KNTC1: variants seen among roughly 807,000 people sequenced by gnomAD.
KNTC1 encodes kinetochore associated 1.
Under a neutral mutation model 314.4 loss-of-function variants are expected in KNTC1, and 253 were observed. The observed-to-expected ratio is 0.80, with a 90% CI of 0.73 to 0.89. The LOEUF (loss-of-function observed/expected upper bound fraction) is 0.89. Ranked by LOEUF, KNTC1 falls within the 40% of genes least tolerant of loss-of-function variation. The pLI is 0.00. For missense variants in KNTC1, 2,475 were observed against 2,572.9 expected (o/e 0.96, Z 0.82); for synonymous variants, 901 against 901.4 (o/e 1.00, Z 0.01).
chr12:122,585,832 T>G (rs1869200529), intron 37 of KNTC1, 58 bp downstream of exon 37: 2 of 1,550,656 alleles, frequency 1.3e-6, no homozygotes, highest in Non-Finnish European at 8.9e-7. Flanking sequence ...AAATTTAAAC[T>G]GTAGAGGTTT....
chr12:122,534,860 C>A, intron 3 of KNTC1, 76 bp downstream of exon 3: 1 of 1,309,056 alleles, frequency 7.6e-7, no homozygotes, highest in Non-Finnish European at 1.1e-6. Flanking sequence ...GCTGGATTGC[C>A]TCCTCTTTAC....
intron 12 of KNTC1, among the ~76,000 whole-genome samples, chr12:122,548,975 GTAAAA>G (rs1962991595): frequency 6.6e-6 from 1 of 152,080 alleles, no homozygotes; most frequent in South Asian, 2.1e-4. Flanking sequence ...CTCAAAAAAA[GTAAAA>G]TAAAATAAGT....
chr12:122,551,556 TTAGTGAATAACTTAAATTCCCTGAA>T, intron 15 of KNTC1, 33 bp downstream of exon 15: 3 of 1,603,926 alleles, frequency 1.9e-6, no homozygotes, highest in Non-Finnish European at 2.6e-6. Context: ...GCTTTATCCT[TTAGTGAATAACTTAAATTCCCTGAA>T]TAATAAGCAT....
At chr12:122,572,433 C>G (rs970801560) in intron 24 of KNTC1, among the ~76,000 whole-genome samples, 5 of 152,068 alleles carry the variant, frequency 3.3e-5, no homozygotes, top group Non-Finnish European at 5.9e-5. Context: ...TAAGTCTTGA[C>G]AGTACATTAA....
Position 122,597,944 on chromosome 12 carries a change from C to T in KNTC1, c.4563+6C>T. 1 of 1,610,702 alleles carries T rather than the reference C, an allele frequency of 6.2e-7. No homozygotes were observed. The highest frequency in any genetic ancestry group is 8.5e-7 in the Non-Finnish European group (1 of 1,176,924). ...TTAGTGGAATACTACATAAGGTAGA[C>T]ACACAGTGAAATGAATCGGGTCATC... On this transcript the variant is annotated splice_donor_region_variant and intron_variant, in intron 44 of 63. Transcript: ENST00000333479.
chr12:122,547,691 G>A (rs1962891615), intron 11 of KNTC1, among the ~76,000 whole-genome samples, 161 bp downstream of exon 11: 1 of 152,178 alleles, frequency 6.6e-6, no homozygotes, highest in African/African-American at 2.4e-5. Context: ...GAACAGTTAG[G>A]CAATATGAAC....
At chr12:122,568,469 G>A (rs1464046935) in intron 21 of KNTC1, 97 bp downstream of exon 21, 1 of 759,554 alleles carries the variant, frequency 1.3e-6, no homozygotes, top group Admixed American at 2.2e-5. Flanking sequence ...GTCTGACTGG[G>A]TGATGGGATG....
rs972400567 is a variant in KNTC1 at position 122,579,906 on chromosome 12, G to T, written c.2843G>T (p.Gly948Val). ...LQEEPDHSKE[G>V]KAWRMSVAKT... is the part of the protein sequence containing the mutation. ...TTCGCTTTATTTATTTATTTTTAGG[G>T]CAAGGCCTGGAGAATGTCTGTAGCG... The change falls in exon 32 of 64, where the codon GGC becomes GTC. Residue 948 changes from glycine to valine, a missense_variant and splice_region_variant. Coordinates refer to ENST00000333479, the MANE Select transcript of KNTC1 (RefSeq NM_014708.6). The T allele has an allele frequency of 6.9e-6, 11 of 1,602,886 alleles. No homozygotes were observed. The highest frequency in any genetic ancestry group is 6.8e-6 in the Non-Finnish European group (8 of 1,170,852).
chr12:122,560,244 T>C (rs1963887711), intron 18 of KNTC1, among the ~76,000 whole-genome samples: 1 of 152,180 alleles, frequency 6.6e-6, no homozygotes, highest in South Asian at 2.1e-4. Context: ...CTGACTTCTT[T>C]AGTTATTTCC....
chr12:122,544,015 C>T (rs1211379213), intron 7 of KNTC1, 144 bp from the exon 8 acceptor site: 3 of 454,872 alleles, frequency 6.6e-6, no homozygotes, highest in Admixed American at 8.4e-5. Context: ...CGCCATTGCA[C>T]TCTAGCCTGG....
rs758235054 is a variant in KNTC1 at position 122,541,287 on chromosome 12, G to GCCTGCCTGCCTGCCTT, written c.446-760_446-759insGCCTGCCTGCCTTCCT. On this transcript the variant is annotated intron_variant, in intron 5 of 63. Transcript: ENST00000333479. ...TGCCTGCCTGCCTGCCTGCCTGCCT[G>GCCTGCCTGCCTGCCTT]CCTTCCTTCCTTCCTTCCTTCCTTC... Among the ~76,000 whole-genome samples the GCCTGCCTGCCTGCCTT allele has an allele frequency of 5.8e-4, 70 of 120,960 alleles. 1 individual carries two copies. Among genetic ancestry groups the GCCTGCCTGCCTGCCTT allele is most frequent in the African/African-American group, 2.3e-3 (63 of 27,704 alleles). 79.4% of individuals were successfully genotyped at this position (120,960 alleles called of 152,430 possible).
At position 122,534,768 on chromosome 12, in the gene KNTC1, A is replaced by G. The variant is rs1565927570; in HGVS notation, c.234A>G (p.Gln78=). 10 of 1,612,850 alleles carry G rather than the reference A, an allele frequency of 6.2e-6. No homozygotes were observed. The highest frequency in any genetic ancestry group is 1.6e-4 in the Middle Eastern group (1 of 6,080). ...TTGACAGTATTTGTAGATCACTTCA[A>G]TTGCATCTTGTCTTTGGTAAGTATA... ...ILLDSICRSL[Q]LHLVFDTEVD... is the part of the protein sequence containing the mutation. Residue 78 remains glutamine, a synonymous_variant, in exon 3 of 64, where the codon CAA becomes CAG. Transcript: ENST00000333479.
At chr12:122,564,642 T>G (rs537651182) in intron 20 of KNTC1, among the ~76,000 whole-genome samples, 1 of 152,094 alleles carries the variant, frequency 6.6e-6, no homozygotes, top group African/African-American at 2.4e-5. Context: ...CTAATTTTTT[T>G]AATTATTTTT....
At chr12:122,537,093 A>G (rs1042482022) in intron 3 of KNTC1, among the ~76,000 whole-genome samples, 5 of 152,068 alleles carry the variant, frequency 3.3e-5, no homozygotes, top group Admixed American at 3.3e-4. Context: ...GTTACATACT[A>G]TTGTTTTTCT....
At chr12:122,534,848 C>T in intron 3 of KNTC1, 64 bp downstream of exon 3, 1 of 1,488,236 alleles carries the variant, frequency 6.7e-7, no homozygotes, top group East Asian at 2.3e-5. Context: ...CTGCCAATTT[C>T]TGCTGGATTG....
At position 122,542,040 on chromosome 12, in the gene KNTC1, A is replaced by G. The variant is rs1210772691; in HGVS notation, c.446-10A>G. ...AAAAAAAGAAACTGATTCTGATTTT[A>G]TTTCAATAGGTACCTATTATATGCT... On this transcript the variant is annotated splice_polypyrimidine_tract_variant and intron_variant, in intron 5 of 63. Coordinates refer to ENST00000333479, the MANE Select transcript of KNTC1 (RefSeq NM_014708.6). 1.3e-6 allele frequency: 2 copies of G among 1,514,888 alleles called. No homozygotes were observed. The highest frequency in any genetic ancestry group is 1.4e-5 in the African/African-American group (1 of 71,504). 93.8% of individuals were successfully genotyped at this position (1,514,888 alleles called of 1,614,324 possible).
At position 122,575,837 on chromosome 12, in the gene KNTC1, A is replaced by T. The variant is rs200445300; in HGVS notation, c.2524A>T (p.Met842Leu). ...LLQESYKLME[M>L]KKLLRGYGIR... ...ACAGGAAAGTTACAAACTAATGGAG[A>T]TGAAAAAACTTTTACGAGGCTATGG... The change falls in exon 29 of 64, where the codon ATG (methionine) becomes TTG (leucine). Residue 842 changes from methionine to leucine, a missense_variant. By Grantham distance (15) the Met-to-Leu change is conservative. Coordinates refer to ENST00000333479, the MANE Select transcript of KNTC1 (RefSeq NM_014708.6). 208 of 1,613,626 alleles carry T rather than the reference A, an allele frequency of 1.3e-4. No homozygotes were observed. Among genetic ancestry groups the T allele is most frequent in the Non-Finnish European group, 1.7e-4 (197 of 1,179,758 alleles).
At chr12:122,532,870 G>A (rs1007599013) in intron 2 of KNTC1, among the ~76,000 whole-genome samples, 2 of 152,148 alleles carry the variant, frequency 1.3e-5, no homozygotes, top group East Asian at 3.9e-4. Flanking sequence ...GGAATTCAGT[G>A]GCTGGAGAGC....
intron 1 of KNTC1, among the ~76,000 whole-genome samples, chr12:122,527,966 G>T (rs1229807569): frequency 2.0e-5 from 3 of 152,138 alleles, no homozygotes; most frequent in South Asian, 2.1e-4. Context: ...TATTTGTGCA[G>T]TTGCTTTTTT....
Sources: gnomAD v4.1 joint callset for allele counts (sites outside exome capture counted in the v4.1 genomes callset) on GRCh38, gnomAD v4.1.1 for gene constraint, MANE v1.5 for transcripts, NCBI Gene and HGNC (gene_info 2026-07-23, HGNC 2026-07-21) for gene names.